The following KCNAB1 variants were observed in gnomAD, a reference collection of about 807,000 sequenced individuals.
KCNAB1 encodes the protein voltage-gated potassium channel subunit beta-1.
In KCNAB1, 35 loss-of-function variants were observed where a neutral mutation model predicts 64.6. That is an observed-to-expected ratio of 0.54 (90% confidence interval 0.41 to 0.72). KCNAB1 has a LOEUF of 0.72. Ranked by LOEUF, KCNAB1 falls within the 30% of genes least tolerant of loss-of-function variation. KCNAB1 has a pLI of 0.00. For synonymous variants in KCNAB1, 177 were observed against 183.8 expected (o/e 0.96, Z 0.30); for missense variants, 401 against 512.9 (o/e 0.78, Z 2.11).
intron 1 of KCNAB1, among the ~76,000 whole-genome samples, chr3:156,133,768 C>T (rs1714133857): frequency 1.3e-5 from 2 of 152,188 alleles, no homozygotes; most frequent in Admixed American, 1.3e-4. Flanking sequence ...AAAAAATACA[C>T]TTAAGATGCA....
At chr3:156,244,318 C>G (rs1197309119) in intron 1 of KCNAB1, among the ~76,000 whole-genome samples, 1 of 152,160 alleles carries the variant, frequency 6.6e-6, no homozygotes, top group African/African-American at 2.4e-5. Flanking sequence ...TTCACCTCTC[C>G]TTTTCTCACT....
intron 1 of KCNAB1, among the ~76,000 whole-genome samples, chr3:156,206,366 G>C (rs988969777): frequency 2.6e-5 from 4 of 152,216 alleles, no homozygotes; most frequent in Non-Finnish European, 5.9e-5. Context: ...TACTGTGGTT[G>C]TGACACACAG....
chr3:156,308,442 G>A (rs776630607), intron 1 of KCNAB1, among the ~76,000 whole-genome samples: 35 of 152,236 alleles, frequency 2.3e-4, no homozygotes, highest in Non-Finnish European at 1.6e-4. Context: ...GGGCATAAGT[G>A]TAAGCTGAGA....
At chr3:156,166,530 T>TATAC (rs747637003) in intron 1 of KCNAB1, among the ~76,000 whole-genome samples, 2 of 148,806 alleles carry the variant, frequency 1.3e-5, no homozygotes, top group African/African-American at 4.9e-5. Context: ...AATACATATA[T>TATAC]ACACACACAC....
chr3:156,535,745 C>T (rs541526930), intron 13 of KCNAB1, among the ~76,000 whole-genome samples: 2 of 152,310 alleles, frequency 1.3e-5, no homozygotes, highest in East Asian at 3.9e-4. Flanking sequence ...CTTTTCTGCT[C>T]CACTGCCCTA....
At chr3:156,474,283 G>T (rs528773054) in intron 7 of KCNAB1, among the ~76,000 whole-genome samples, 3 of 152,180 alleles carry the variant, frequency 2.0e-5, no homozygotes, top group African/African-American at 4.8e-5. Context: ...ATTTATTTCT[G>T]ATTTAAACCA....
chr3:156,394,766 T>G (rs1026153315), intron 1 of KCNAB1, among the ~76,000 whole-genome samples: 1 of 152,240 alleles, frequency 6.6e-6, no homozygotes, highest in Admixed American at 6.5e-5. Flanking sequence ...TGCATATTTT[T>G]GTTTACCAGC....
chr3:156,494,254 A>C (rs1174972412), intron 8 of KCNAB1, among the ~76,000 whole-genome samples: 1 of 152,006 alleles, frequency 6.6e-6, no homozygotes, highest in African/African-American at 2.4e-5. Flanking sequence ...ATAGATTCTG[A>C]TTTTGTTCTA....
rs111493566 is a variant in KCNAB1, at chr3:156,121,462, A to G, written c.275+576A>G. Among the ~76,000 whole-genome samples the G allele has an allele frequency of 1.7e-4, 26 of 152,292 alleles. 1 individual carries two copies. The highest frequency in any genetic ancestry group is 6.3e-4 in the African/African-American group (26 of 41,552). ...TAACTTTTAAAAAAGAGATAAATGT[A>G]AGGCAAATCTCTATGGGTTTTCTTT... is the stretch of plus-strand genomic sequence containing the variant. On this transcript the variant is annotated intron_variant, in intron 1 of 13. Transcript: ENST00000490337.
intron 1 of KCNAB1, among the ~76,000 whole-genome samples, chr3:156,130,150 G>A (rs1169311597): frequency 1.3e-5 from 2 of 152,190 alleles, no homozygotes; most frequent in Non-Finnish European, 2.9e-5. Flanking sequence ...TTAAAGATTA[G>A]ATCCAAAGTA....
At chr3:156,373,107 C>T (rs1726424409) in intron 1 of KCNAB1, among the ~76,000 whole-genome samples, 1 of 152,228 alleles carries the variant, frequency 6.6e-6, no homozygotes, top group Non-Finnish European at 1.5e-5. Context: ...GACCAGTTAG[C>T]AACTTCCTAA....
At chr3:156,182,480 T>C (rs1165532169) in intron 1 of KCNAB1, among the ~76,000 whole-genome samples, 2 of 152,152 alleles carry the variant, frequency 1.3e-5, no homozygotes, top group Non-Finnish European at 2.9e-5. Context: ...TTCTACCAAC[T>C]CAGCCTAAGT....
Position 156,177,222 on chromosome 3 carries a change from T to C in KCNAB1, c.275+56336T>C, listed in dbSNP as rs149014679. Among the ~76,000 whole-genome samples, 497 of 152,284 alleles carry C rather than the reference T, an allele frequency of 3.3e-3. 3 individuals are homozygous for C. The highest frequency in any genetic ancestry group is 0.011 in the African/African-American group (465 of 41,560). ...TTGGGAGGAAACTGGGGAGTTCTTA[T>C]AGAGTGGGGCTCATACCACATCTCC... On this transcript the variant is annotated intron_variant, in intron 1 of 13. Coordinates refer to ENST00000490337, the MANE Select transcript of KCNAB1 (RefSeq NM_172160.3).
intron 1 of KCNAB1, among the ~76,000 whole-genome samples, chr3:156,241,017 G>A (rs1202727855): frequency 1.3e-5 from 2 of 152,166 alleles, no homozygotes; most frequent in African/African-American, 2.4e-5. Flanking sequence ...TGGGGTATTT[G>A]TATACCAGTT....
At chr3:156,157,104 G>T (rs1038303764) in intron 1 of KCNAB1, among the ~76,000 whole-genome samples, 1 of 152,196 alleles carries the variant, frequency 6.6e-6, no homozygotes, top group African/African-American at 2.4e-5. Flanking sequence ...GTCAAGTAAG[G>T]TGAGGACTGA....
chr3:156,474,653 A>G (rs1714202176), intron 7 of KCNAB1, 81 bp from the exon 8 acceptor site: 1 of 990,834 alleles, frequency 1.0e-6, no homozygotes, highest in African/African-American at 1.6e-5. Flanking sequence ...TTTAAAGCAA[A>G]TTCTTGAAAG....
chr3:156,369,092 T>C (rs2108123152), intron 1 of KCNAB1, among the ~76,000 whole-genome samples: 1 of 152,316 alleles, frequency 6.6e-6, no homozygotes, highest in South Asian at 2.1e-4. Context: ...GAAGATTTTC[T>C]CATATCTGTT....
intron 1 of KCNAB1, among the ~76,000 whole-genome samples, chr3:156,122,298 C>G (rs1404297139): frequency 6.6e-6 from 1 of 152,142 alleles, no homozygotes; most frequent in Non-Finnish European, 1.5e-5. Flanking sequence ...TAAAGATCCT[C>G]TAGGAAAAAG....
At chr3:156,388,295 C>T (rs1196465298) in intron 1 of KCNAB1, among the ~76,000 whole-genome samples, 1 of 152,130 alleles carries the variant, frequency 6.6e-6, no homozygotes, top group Non-Finnish European at 1.5e-5. Context: ...AAACAGGAAC[C>T]AGGATTGAAA....
Sources: allele counts gnomAD v4.1 joint callset (sites outside exome capture counted in the v4.1 genomes callset), GRCh38; gene constraint gnomAD v4.1.1; transcripts MANE v1.5; gene names NCBI Gene and HGNC (gene_info 2026-07-23, HGNC 2026-07-21).